ZNF185: variants seen among roughly 807,000 people sequenced by gnomAD.
The protein encoded by ZNF185 is zinc finger protein 185.
Under a neutral mutation model 58.6 loss-of-function variants are expected in ZNF185, and 56 were observed. That is an observed-to-expected ratio of 0.95 (90% CI 0.77 to 1.19). ZNF185 has a LOEUF of 1.19. Ranked by LOEUF, ZNF185 falls within the 50% of genes most tolerant of loss-of-function variation. ZNF185 has a pLI of 0.00. For synonymous variants in ZNF185, 230 were observed against 215.9 expected (o/e 1.07, Z -0.57); for missense variants, 627 against 573.5 (o/e 1.09, Z -0.95).
intron 13 of ZNF185, among the ~76,000 whole-genome samples, chrX:152,932,591 G>A (rs902980312): frequency 1.6e-4 from 18 of 112,225 alleles, no homozygotes; most frequent in African/African-American, 5.5e-4. Context: ...AGACCCACAT[G>A]TCTTGCCCCT....
chrX:152,941,502 C>T (rs2047173734), intron 15 of ZNF185, among the ~76,000 whole-genome samples: 1 of 113,064 alleles, frequency 8.8e-6, no homozygotes, highest in Non-Finnish European at 1.9e-5. Context: ...CCACACCCCT[C>T]ACCTTCCCCG....
chrX:152,928,670 G>A lies in ZNF185; in HGVS notation c.917+9G>A. On this transcript the variant is annotated intron_variant, in intron 12 of 22. Transcript: ENST00000449285. ...GACGTGGAAGGCATGAGGTATGGGG[G>A]TCCTGCTGCTGTCCTGGCTCCCTGG... The A allele has an allele frequency of 8.3e-7, 1 of 1,207,168 alleles. No individual in the cohort carries two copies. Among genetic ancestry groups the A allele is most frequent in the Non-Finnish European group, 1.1e-6 (1 of 891,854 alleles).
intron 7 of ZNF185, among the ~76,000 whole-genome samples, chrX:152,919,663 T>C (rs1267647695): frequency 1.8e-5 from 2 of 112,244 alleles, no homozygotes; most frequent in Non-Finnish European, 3.8e-5. Flanking sequence ...CCAGTGCTGG[T>C]GAACTATGAC....
At chrX:152,956,087 T>C (rs1169806741) in intron 16 of ZNF185, among the ~76,000 whole-genome samples, 1 of 111,330 alleles carries the variant, frequency 9.0e-6, no homozygotes, top group African/African-American at 3.3e-5. Context: ...AGTTTTGTTA[T>C]TCCAGTTGAA....
chrX:152,914,030 C>T (rs1158955130), upstream of ZNF185, among the ~76,000 whole-genome samples: 1 of 111,154 alleles, frequency 9.0e-6, no homozygotes, highest in Non-Finnish European at 1.9e-5. Context: ...GGCCATCTGC[C>T]TGCCCTGAAG....
At chrX:152,903,635 G>A in the ZNF185 span, among the ~76,000 whole-genome samples, 1 of 110,884 alleles carries the variant, frequency 9.0e-6, no homozygotes, top group Admixed American at 9.6e-5. Context: ...AGCAGCCAGG[G>A]CCCTACAAGA....
At chrX:152,930,134 C>T (rs1941676927) in intron 12 of ZNF185, among the ~76,000 whole-genome samples, 1 of 112,278 alleles carries the variant, frequency 8.9e-6, no homozygotes, top group South Asian at 3.7e-4. Flanking sequence ...TGGTCCAGAG[C>T]AGGCAGATCC....
At chrX:152,935,622 C>G (rs1322821354) in intron 14 of ZNF185, among the ~76,000 whole-genome samples, 1 of 112,393 alleles carries the variant, frequency 8.9e-6, no homozygotes, top group Non-Finnish European at 1.9e-5. Flanking sequence ...AATCATCGAA[C>G]TTAGTGATTC....
At chrX:152,919,128 C>T (rs896201886) in intron 7 of ZNF185, 47 bp downstream of exon 8, 5 of 1,019,917 alleles carry the variant, frequency 4.9e-6, no homozygotes, top group Non-Finnish European at 6.9e-6. Flanking sequence ...AGGGCAGGAG[C>T]CTGAGTCTTC....
chrX:152,902,182 G>A, the ZNF185 span, among the ~76,000 whole-genome samples: 23,249 of 111,998 alleles, frequency 0.21, 1,885 homozygotes, highest in African/African-American at 0.3. Context: ...CTGAAGCCAC[G>A]CCCTGGGTCA....
intron 15 of ZNF185, among the ~76,000 whole-genome samples, chrX:152,943,444 G>A (rs1365571705): frequency 2.7e-5 from 3 of 112,178 alleles, no homozygotes; most frequent in Admixed American, 9.4e-5. Flanking sequence ...CCAAAATCCC[G>A]TTGGTCACCA....
chrX:152,940,419 T>G (rs1603269787), intron 15 of ZNF185, among the ~76,000 whole-genome samples: 1 of 30,780 alleles, frequency 3.2e-5, no homozygotes, highest in Non-Finnish European at 5.9e-5. Flanking sequence ...GCTGGGAGTG[T>G]GGTGGGGGTG....
the ZNF185 span, among the ~76,000 whole-genome samples, chrX:152,906,116 G>A: frequency 4.4e-5 from 5 of 112,682 alleles, no homozygotes; most frequent in African/African-American, 1.6e-4. Context: ...GCCCAGGGCA[G>A]CAAAGCTGGG....
At chrX:152,920,912 G>T (rs781902571) in intron 9 of ZNF185, among the ~76,000 whole-genome samples, 164 bp downstream of exon 10, 2 of 112,632 alleles carry the variant, frequency 1.8e-5, no homozygotes, top group South Asian at 3.7e-4. Context: ...CTGTCTGGAG[G>T]CCTGGCAAGC....
At chrX:152,964,557 A>G (rs1224880534) in intron 18 of ZNF185, among the ~76,000 whole-genome samples, 1 of 111,941 alleles carries the variant, frequency 8.9e-6, no homozygotes, top group Non-Finnish European at 1.9e-5. Context: ...ACTTTTCACT[A>G]AGGGGATGGT....
intron 6 of ZNF185, 81 bp from the exon 8 acceptor site, chrX:152,918,902 C>A: frequency 4.2e-6 from 3 of 711,525 alleles, no homozygotes; most frequent in Non-Finnish European, 6.5e-6. Context: ...TGACTTGCCT[C>A]GTCATTGTTG....
chrX:152,944,382 T>C (rs1281198132), intron 15 of ZNF185, among the ~76,000 whole-genome samples: 6 of 112,659 alleles, frequency 5.3e-5, no homozygotes, highest in Non-Finnish European at 9.4e-5. Flanking sequence ...GGGAAGGTTA[T>C]ATTCAGAGTG....
chrX:152,948,404 G>A (rs782515749), intron 16 of ZNF185, among the ~76,000 whole-genome samples: 5 of 111,607 alleles, frequency 4.5e-5, no homozygotes, highest in African/African-American at 6.5e-5. Context: ...TGAAAGCAAC[G>A]TGTGCATGTT....
Position 152,963,964 on chromosome X carries a change from C to G in ZNF185, c.1718+15C>G. The stretch of plus-strand genomic sequence containing the variant: ...AGCTCTACCACGTAAGAAGGGCTAT[C>G]TAGCAACCTGGGAGATGTTCCTCCG... On this transcript the variant is annotated intron_variant, in intron 18 of 22. Coordinates refer to ENST00000449285, the Ensembl canonical transcript of ZNF185. 8.4e-7 allele frequency: 1 copy of G among 1,191,980 alleles called. No homozygotes were observed. Among genetic ancestry groups the G allele is most frequent in the Non-Finnish European group, 1.1e-6 (1 of 877,520 alleles).
Sources: gnomAD v4.1 joint callset for allele counts (sites outside exome capture counted in the v4.1 genomes callset) on GRCh38, gnomAD v4.1.1 for gene constraint, MANE v1.5 for transcripts, NCBI Gene and HGNC (gene_info 2026-07-23, HGNC 2026-07-21) for gene names.